The following FZD4 variants were observed in gnomAD, a reference collection of about 807,000 sequenced individuals.
The protein encoded by FZD4 is frizzled class receptor 4, also known as frizzled-4.
A neutral mutation model predicts 37.3 loss-of-function variants in FZD4; 16 were observed. The ratio of observed to expected loss-of-function variants is 0.43; its 90% CI spans 0.29 to 0.65. FZD4 has a LOEUF of 0.65. FZD4 is among the 30% of genes least tolerant of loss of function. FZD4 has a pLI of 0.16. For missense variants in FZD4, 599 were observed against 674.3 expected (o/e 0.89, Z 1.24); for synonymous variants, 246 against 254.8 (o/e 0.97, Z 0.33).
chr11:86,946,285 C>A lies in FZD4; in HGVS notation c.*4857G>T, dbSNP rs934629133. Reference sequence around the variant, plus strand: ...CTTTGTGGCGCAGAGTGGCTCTTGCCCCTCTTTTCAGAAGCCTTCTAGGAT... The same window carrying A: ...CTTTGTGGCGCAGAGTGGCTCTTGCACCTCTTTTCAGAAGCCTTCTAGGAT... On this transcript the variant is annotated 3_prime_UTR_variant, in exon 2 of 2. Transcript: ENST00000531380. 3 of 152,102 alleles carry A rather than the reference C, an allele frequency of 2.0e-5. No homozygotes were observed. Among genetic ancestry groups the A allele is most frequent in the African/African-American group, 7.2e-5 (3 of 41,394 alleles). 9.4% of individuals were successfully genotyped at this position (152,102 alleles called of 1,614,324 possible).
At position 86,946,369 on chromosome 11, in the gene FZD4, C is replaced by T. The variant is rs1317349217; in HGVS notation, c.*4773G>A. On this transcript the variant is annotated 3_prime_UTR_variant, in exon 2 of 2. Coordinates refer to ENST00000531380, the MANE Select transcript of FZD4 (RefSeq NM_012193.4). Reference sequence around the variant, plus strand: ...CAAGGAGGTTTAAAAGCTTTGAGGACATGGCTCATATAGGACCCCAAAAAG... The same window carrying T: ...CAAGGAGGTTTAAAAGCTTTGAGGATATGGCTCATATAGGACCCCAAAAAG... 2 of 152,136 alleles carry T rather than the reference C, an allele frequency of 1.3e-5. No individual in the cohort carries two copies. The highest frequency in any genetic ancestry group is 2.9e-5 in the Non-Finnish European group (2 of 68,054). 9.4% of individuals were successfully genotyped at this position (152,136 alleles called of 1,614,324 possible). A position where few individuals can be genotyped will look rare whatever the true frequency, so the allele number is the denominator to read the frequency against.
At position 86,949,460 on chromosome 11, in the gene FZD4, A is replaced by T. The variant is rs763856002; in HGVS notation, c.*1682T>A. 3 of 152,102 alleles carry T rather than the reference A, an allele frequency of 2.0e-5. No homozygotes were observed. Among genetic ancestry groups the T allele is most frequent in the Non-Finnish European group, 4.4e-5 (3 of 68,018 alleles). 9.4% of individuals were successfully genotyped at this position (152,102 alleles called of 1,614,324 possible). On this transcript the variant is annotated 3_prime_UTR_variant, in exon 2 of 2. Coordinates refer to ENST00000531380, the MANE Select transcript of FZD4 (RefSeq NM_012193.4). ...CCCTTCCTATTTTTTTAAGGCATGA[A>T]TTAATAAATAAATGTCATTGCAAAG...
At chr11:86,954,691 G>T in intron 1 of FZD4, 110 bp downstream of exon 1, 1 of 1,450,638 alleles carries the variant, frequency 6.9e-7, no homozygotes, top group Non-Finnish European at 9.1e-7. Flanking sequence ...TTTTCCAGGA[G>T]AGCTGTCTCC....
chr11:86,946,852 G>C lies in FZD4; in HGVS notation c.*4290C>G, dbSNP rs370178339. 1 of 152,354 alleles carries C rather than the reference G, an allele frequency of 6.6e-6. No individual in the cohort carries two copies. The highest frequency in any genetic ancestry group is 6.5e-5 in the Admixed American group (1 of 15,308). The allele number at this position is 152,354 out of a possible 1,614,324, so 9.4% of individuals were successfully genotyped here. A position where few individuals can be genotyped will look rare whatever the true frequency, so the allele number is the denominator to read the frequency against. On this transcript the variant is annotated 3_prime_UTR_variant, in exon 2 of 2. Coordinates refer to ENST00000531380, the MANE Select transcript of FZD4 (RefSeq NM_012193.4). Reference sequence around the variant, plus strand: ...TGACTCGACATGATTGACTGGAATAGCAACTCTCTCCAGTGTCCTCCATCA... The same window carrying C: ...TGACTCGACATGATTGACTGGAATACCAACTCTCTCCAGTGTCCTCCATCA...
rs375123597 is a variant in FZD4, at chr11:86,951,553, A to C, written c.1203T>G (p.Ile401Met). 5.0e-6 allele frequency: 8 copies of C among 1,614,214 alleles called. No individual in the cohort carries two copies. Among genetic ancestry groups the C allele is most frequent in the Non-Finnish European group, 6.8e-6 (8 of 1,180,026 alleles). ...VVAPLFTYLV[I>M]GTLFIAAGLV... Reference sequence around the variant, plus strand: ...AACCTGCAGCAATGAACAAAGTTCCAATGACCAAATAAGTAAAGAGGGGAG... The same window carrying C: ...AACCTGCAGCAATGAACAAAGTTCCCATGACCAAATAAGTAAAGAGGGGAG... The change falls in exon 2 of 2, where the codon ATT becomes ATG. Residue 401 changes from isoleucine (I) to methionine (M), a missense_variant. Transcript: ENST00000531380.
chr11:86,948,964 C>T lies in FZD4; in HGVS notation c.*2178G>A, dbSNP rs1220368084. 6.5e-6 allele frequency: 1 copy of T among 152,674 alleles called. No individual in the cohort carries two copies. Among genetic ancestry groups the T allele is most frequent in the Non-Finnish European group, 1.5e-5 (1 of 68,072 alleles). 9.5% of individuals were successfully genotyped at this position (152,674 alleles called of 1,614,324 possible). A position where few individuals can be genotyped will look rare whatever the true frequency, so the allele number is the denominator to read the frequency against. ...GGCAGGCTCTGCCCCTGGGTGCGTG[C>T]TCCAGGGCCGTGGACAGTTATGGGA... is the stretch of plus-strand genomic sequence containing the variant. On this transcript the variant is annotated 3_prime_UTR_variant, in exon 2 of 2. Transcript: ENST00000531380.
Position 86,949,351 on chromosome 11 carries a change from G to T in FZD4, c.*1791C>A, listed in dbSNP as rs1394287573. 5 of 149,240 alleles carry T rather than the reference G, an allele frequency of 3.4e-5. No individual in the cohort carries two copies. Among genetic ancestry groups the T allele is most frequent in the Admixed American group, 1.3e-4 (2 of 14,934 alleles). 9.2% of individuals were successfully genotyped at this position (149,240 alleles called of 1,614,324 possible). Reference sequence around the variant, plus strand: ...GAGGAAATGCTTACTTCCAGAATTTGACCACCTTTTTGGAATTTTGAGTCC... The same window carrying T: ...GAGGAAATGCTTACTTCCAGAATTTTACCACCTTTTTGGAATTTTGAGTCC... On this transcript the variant is annotated 3_prime_UTR_variant, in exon 2 of 2. Coordinates refer to ENST00000531380, the MANE Select transcript of FZD4 (RefSeq NM_012193.4).
In FZD4 at chr11:86,952,392, GAC is replaced by G. The variant is rs764395748; in HGVS notation, c.362_363del (p.Cys121SerfsTer8). ...NIPIGPCGGM[C>X]LSVKRRCEPV... ...GGTTCACAGCGTCTCTTGACTGAAAGACACATGCCGCCGCATGGGCCAATGGG... is the reference window on the plus strand; with the variant it reads ...GGTTCACAGCGTCTCTTGACTGAAAGACATGCCGCCGCATGGGCCAATGGG... On this transcript the variant is annotated frameshift_variant, in exon 2 of 2. Coordinates refer to ENST00000531380, the MANE Select transcript of FZD4 (RefSeq NM_012193.4). LOFTEE classifies it high-confidence loss of function. 1 of 1,614,188 alleles carries G rather than the reference GAC, an allele frequency of 6.2e-7. No individual in the cohort carries two copies.
chr11:86,954,278 C>G, intron 1 of FZD4: 1 of 985,174 alleles, frequency 1.0e-6, no homozygotes, highest in South Asian at 4.7e-5. Flanking sequence ...AGAAAGAACT[C>G]AAGCCAACCC....
rs373565387 is a variant in FZD4, at chr11:86,955,038, G to A, written c.48C>T (p.Gly16=). 418 of 1,604,312 alleles carry A rather than the reference G, an allele frequency of 2.6e-4. No homozygotes were observed. Among genetic ancestry groups the A allele is most frequent in the Middle Eastern group, 6.7e-4 (4 of 5,980 alleles). The change falls in exon 1 of 2, where the codon GGC becomes GGT. Residue 16 remains glycine (G), a synonymous_variant. Transcript: ENST00000531380. ...GGAGCAACCCCAGACTGAGACCGAC[G>A]CCCCCGGGCGCCCCCGGGACGCTCG... The part of the protein sequence containing the change: ...AGPSVPGAPG[G]VGLSLGLLLQ...
rs781583469 is a variant in FZD4, at chr11:86,950,620, G to C, written c.*522C>G. 4.9e-4 allele frequency: 92 copies of C among 188,674 alleles called. No homozygotes were observed. Among genetic ancestry groups the C allele is most frequent in the Non-Finnish European group, 9.0e-4 (80 of 89,202 alleles). 11.7% of individuals were successfully genotyped at this position (188,674 alleles called of 1,614,324 possible). ...TCTAAACAGCAGACAGCGCACCACAGAAGATGTTTATGTTACATCAGCCAA... is the reference window on the plus strand; with the variant it reads ...TCTAAACAGCAGACAGCGCACCACACAAGATGTTTATGTTACATCAGCCAA... On this transcript the variant is annotated 3_prime_UTR_variant, in exon 2 of 2. Coordinates refer to ENST00000531380, the MANE Select transcript of FZD4 (RefSeq NM_012193.4).
rs1217820353 is a variant in FZD4, at chr11:86,948,425, A to C, written c.*2717T>G. The C allele has an allele frequency of 1.3e-5, 2 of 152,152 alleles. No homozygotes were observed. The highest frequency in any genetic ancestry group is 1.3e-4 in the Admixed American group (2 of 15,276). The allele number at this position is 152,152 out of a possible 1,614,324, so 9.4% of individuals were successfully genotyped here. On this transcript the variant is annotated 3_prime_UTR_variant, in exon 2 of 2. Coordinates refer to ENST00000531380, the MANE Select transcript of FZD4 (RefSeq NM_012193.4). ...TTAACAAATACCGATTTAAGAAGTG[A>C]TGGAGTTGATTGAAGGTCACTGGTA...
chr11:86,954,766 G>C (rs1395916315), intron 1 of FZD4, 35 bp downstream of exon 1: 1 of 1,569,520 alleles, frequency 6.4e-7, no homozygotes. Flanking sequence ...CCCTCCCCAA[G>C]GGGTCCCGCC....
In FZD4 at chr11:86,948,050, T is replaced by C. The variant is rs751521500; in HGVS notation, c.*3092A>G. The C allele has an allele frequency of 6.6e-6, 1 of 151,526 alleles. No homozygotes were observed. Among genetic ancestry groups the C allele is most frequent in the Non-Finnish European group, 1.5e-5 (1 of 68,046 alleles). The allele number at this position is 151,526 out of a possible 1,614,324, so 9.4% of individuals were successfully genotyped here. Reference sequence around the variant, plus strand: ...GTGGGCCCATGTCCTTGTGGCCTACTCTCATAGTCTTCCTAAGGGATTTCT... The same window carrying C: ...GTGGGCCCATGTCCTTGTGGCCTACCCTCATAGTCTTCCTAAGGGATTTCT... On this transcript the variant is annotated 3_prime_UTR_variant, in exon 2 of 2. Coordinates refer to ENST00000531380, the MANE Select transcript of FZD4 (RefSeq NM_012193.4).
chr11:86,955,152 G>C lies in FZD4; in HGVS notation c.-67C>G. 1 of 1,264,880 alleles carries C rather than the reference G, an allele frequency of 7.9e-7. No homozygotes were observed. Among genetic ancestry groups the C allele is most frequent in the South Asian group, 1.8e-5 (1 of 56,068 alleles). 78.4% of individuals were successfully genotyped at this position (1,264,880 alleles called of 1,614,324 possible). A position where few individuals can be genotyped will look rare whatever the true frequency, so the allele number is the denominator to read the frequency against. On this transcript the variant is annotated 5_prime_UTR_variant, in exon 1 of 2. Coordinates refer to ENST00000531380, the MANE Select transcript of FZD4 (RefSeq NM_012193.4). ...CTGGCAGACACCCCCAGTTTGCACG[G>C]GGGCGCCGGCTGCCCGCGCTGCTCC...
chr11:86,952,597 G>C, intron 1 of FZD4, 127 bp from the exon 2 acceptor site: 2 of 985,508 alleles, frequency 2.0e-6, no homozygotes, highest in Non-Finnish European at 3.1e-6. Flanking sequence ...CCAACCTATC[G>C]GGAGTCTGTC....
At chr11:86,954,144 C>G in intron 1 of FZD4, 4 of 550,280 alleles carry the variant, frequency 7.3e-6, no homozygotes, top group Non-Finnish European at 9.3e-6. Flanking sequence ...AACATTTTCT[C>G]TATCATTAGA....
In FZD4 at chr11:86,946,986, A is replaced by G. The variant is rs1949248673; in HGVS notation, c.*4156T>C. ...TTTGGGAGGCTGAGGCGGGCAGATC[A>G]TGAGGTCAGGAGTTCGAGACCAGCC... On this transcript the variant is annotated 3_prime_UTR_variant, in exon 2 of 2. Coordinates refer to ENST00000531380, the MANE Select transcript of FZD4 (RefSeq NM_012193.4). The G allele has an allele frequency of 6.6e-6, 1 of 152,290 alleles. No homozygotes were observed. The highest frequency in any genetic ancestry group is 2.1e-4 in the South Asian group (1 of 4,836). The allele number at this position is 152,290 out of a possible 1,614,324, so 9.4% of individuals were successfully genotyped here. A position where few individuals can be genotyped will look rare whatever the true frequency, so the allele number is the denominator to read the frequency against.
Position 86,951,260 on chromosome 11 carries a change from T to G in FZD4, c.1496A>C (p.Lys499Thr). The change falls in exon 2 of 2, where the codon AAA becomes ACA. Residue 499 changes from lysine to threonine, a missense_variant. Physicochemically the swap from Lys to Thr is moderately conservative, Grantham distance 78. Around this residue, in one of 3 missense-constraint regions of FZD4, gnomAD observed 203 missense variants for 196.8 expected, o/e 1.03. Coordinates refer to ENST00000531380, the MANE Select transcript of FZD4 (RefSeq NM_012193.4). ...ACACTTCTGCCACGTGTGAAGAGTT[T>G]TGGCAGACCAAATCCACATGCCTGA... is the stretch of plus-strand genomic sequence containing the variant. The part of the protein sequence containing the change: ...ITSGMWIWSA[K>T]TLHTWQKCSN... 6.2e-7 allele frequency: 1 copy of G among 1,614,218 alleles called. No individual in the cohort carries two copies. Among genetic ancestry groups the G allele is most frequent in the Non-Finnish European group, 8.5e-7 (1 of 1,180,036 alleles).
Sources: gnomAD v4.1 joint callset for allele counts on GRCh38, gnomAD v4.1.1 for gene constraint, gnomAD v4.1.1 regional missense constraint, MANE v1.5 for transcripts, NCBI Gene and HGNC (gene_info 2026-07-23, HGNC 2026-07-21) for gene names.